Variants in PLEKHD1 observed in about 807,000 individuals in gnomAD.
PLEKHD1 encodes pleckstrin homology and coiled-coil domain containing D1.
Under a neutral mutation model 69.2 loss-of-function variants are expected in PLEKHD1, and 51 were observed. The ratio of observed to expected loss-of-function variants is 0.74; its 90% CI spans 0.59 to 0.93. The LOEUF (loss-of-function observed/expected upper bound fraction) is 0.93, where lower values mean the gene tolerates loss of function less well. Ranked by LOEUF, PLEKHD1 falls within the 40% of genes least tolerant of loss-of-function variation. PLEKHD1 has a pLI of 0.00. For missense variants in PLEKHD1, 584 were observed against 641.0 expected, an observed-to-expected ratio of 0.91 and a Z score of 0.96; for synonymous variants, 236 against 244.7, an observed-to-expected ratio of 0.96 and a Z score of 0.33.
At chr14:69,484,580 T>G (rs1201855992), upstream of PLEKHD1, 1 of 162,982 alleles carries the variant, frequency 6.1e-6, no homozygotes, top group Non-Finnish European at 1.3e-5. Flanking sequence ...CCCGCCCTGA[T>G]TGGCGCCCGA....
chr14:69,496,607 C>T (rs1882893197), intron 1 of PLEKHD1, among the ~76,000 whole-genome samples: 1 of 151,996 alleles, frequency 6.6e-6, no homozygotes. Flanking sequence ...GTGGTGTGAT[C>T]ACGGCTCACT....
At chr14:69,477,719 C>T in the PLEKHD1 span, among the ~76,000 whole-genome samples, 1 of 152,204 alleles carries the variant, frequency 6.6e-6, no homozygotes, top group Admixed American at 6.5e-5. Flanking sequence ...AAACGATCTC[C>T]TTTGACTCCA....
chr14:69,517,478 A>T (rs1363122640), intron 6 of PLEKHD1, among the ~76,000 whole-genome samples: 1 of 151,992 alleles, frequency 6.6e-6, no homozygotes, highest in African/African-American at 2.4e-5. Context: ...GGGGTGGGGG[A>T]GTAGGAGTGG....
rs1244201341 is a variant in PLEKHD1, at chr14:69,505,501, A to G, written c.555+2622A>G. 2.0e-5 allele frequency among the ~76,000 whole-genome samples: 3 copies of G among 152,200 alleles called. No individual in the cohort carries two copies. In the East Asian group the frequency reaches 5.8e-4, roughly 29 times the overall value. On this transcript the variant is annotated intron_variant, in intron 6 of 12. Transcript: ENST00000322564. ...ATTGCTGTGGTCTCTTTGAGACAACATGGCCTAAAGAAAGACTGAAGATAT... is the reference window on the plus strand; with the variant it reads ...ATTGCTGTGGTCTCTTTGAGACAACGTGGCCTAAAGAAAGACTGAAGATAT...
chr14:69,502,613 C>T (rs1200645938), intron 5 of PLEKHD1: 1 of 590,208 alleles, frequency 1.7e-6, no homozygotes. Context: ...CCCTCATAAC[C>T]CTAGGAAAAG....
chr14:69,486,152 C>T (rs1882650876), intron 1 of PLEKHD1, among the ~76,000 whole-genome samples: 1 of 152,178 alleles, frequency 6.6e-6, no homozygotes, highest in Admixed American at 6.5e-5. Context: ...TCCAGATGCC[C>T]CTTCCCCATC....
intron 7 of PLEKHD1, 127 bp from the exon 8 acceptor site, chr14:69,524,102 G>A (rs1883582961): frequency 1.4e-6 from 1 of 709,528 alleles, no homozygotes. Context: ...TGTGCAGAGG[G>A]GCTGGCCATT....
At position 69,503,004 on chromosome 14, in the gene PLEKHD1, G is replaced by C. The variant is rs148437564; in HGVS notation, c.555+125G>C. On this transcript the variant is annotated intron_variant, in intron 6 of 12. Coordinates refer to ENST00000322564, the MANE Select transcript of PLEKHD1 (RefSeq NM_001161498.2). ...CTAGAAGATCAGATGGGGCAGGGCG[G>C]GGAGGCCAAATGGGATCACAGTGCT... The C allele has an allele frequency of 7.8e-4, 909 of 1,171,312 alleles. 2 individuals are homozygous for C. In the African/African-American group the frequency reaches 0.012, roughly 16 times the overall value. 72.6% of individuals were successfully genotyped at this position (1,171,312 alleles called of 1,614,324 possible).
chr14:69,502,019 G>A, intron 5 of PLEKHD1, 194 bp downstream of exon 5: 1 of 505,578 alleles, frequency 2.0e-6, no homozygotes, highest in Non-Finnish European at 3.6e-6. Flanking sequence ...GAAGGCAGGA[G>A]CGTCTGATGG....
At chr14:69,481,300 GT>G (rs1882537342), upstream of PLEKHD1, among the ~76,000 whole-genome samples, 1 of 152,166 alleles carries the variant, frequency 6.6e-6, no homozygotes, top group Non-Finnish European at 1.5e-5. Context: ...TCCAGCCTGG[GT>G]CAGAGTGATA....
rs1883769712 is a variant in PLEKHD1 at position 69,530,573 on chromosome 14, G to C, written c.*2154G>C. 1.3e-5 allele frequency: 2 copies of C among 152,144 alleles called. No individual in the cohort carries two copies. Among genetic ancestry groups the C allele is most frequent in the Non-Finnish European group, 2.9e-5 (2 of 68,034 alleles). 9.4% of individuals were successfully genotyped at this position (152,144 alleles called of 1,614,324 possible). ...AGATGCATTTGTTTTTCTTGGGCGA[G>C]CTATTAACCAGACAGGAAAGTGCTA... On this transcript the variant is annotated 3_prime_UTR_variant, in exon 13 of 13. Coordinates refer to ENST00000322564, the MANE Select transcript of PLEKHD1 (RefSeq NM_001161498.2).
chr14:69,505,411 T>A (rs1161643282), intron 6 of PLEKHD1, among the ~76,000 whole-genome samples: 1 of 152,192 alleles, frequency 6.6e-6, no homozygotes, highest in Non-Finnish European at 1.5e-5. Flanking sequence ...ATTGTCTGGG[T>A]GTGCCTTGAG....
chr14:69,507,975 G>T (rs957271375), intron 6 of PLEKHD1, among the ~76,000 whole-genome samples: 2 of 152,162 alleles, frequency 1.3e-5, no homozygotes, highest in African/African-American at 2.4e-5. Context: ...GGGATTACAG[G>T]CATAGCCACT....
At chr14:69,528,169 G>A (rs928508112) in intron 12 of PLEKHD1, 81 bp from the exon 13 acceptor site, 2 of 1,495,158 alleles carry the variant, frequency 1.3e-6, no homozygotes, top group Non-Finnish European at 1.8e-6. Flanking sequence ...GGAGTGAGGG[G>A]GTGGCATGAG....
chr14:69,493,441 C>T lies in PLEKHD1; in HGVS notation c.150-6674C>T, dbSNP rs572466418. Reference sequence around the variant, plus strand: ...TCTAGTGAAATAGTTTCCTATTTCACTAGAGAAACCTCTGTGCCTCAGTTT... The same window carrying T: ...TCTAGTGAAATAGTTTCCTATTTCATTAGAGAAACCTCTGTGCCTCAGTTT... On this transcript the variant is annotated intron_variant, in intron 1 of 12. Transcript: ENST00000322564. Among the ~76,000 whole-genome samples the T allele has an allele frequency of 2.6e-5, 4 of 152,268 alleles. No homozygotes were observed. In the East Asian group the frequency reaches 7.7e-4, roughly 29 times the overall value.
At chr14:69,525,912 GCTTTT>G in intron 8 of PLEKHD1, 27 bp from the exon 9 acceptor site, 1 of 1,537,788 alleles carries the variant, frequency 6.5e-7, no homozygotes, top group Non-Finnish European at 8.8e-7. Context: ...CCTAAATTGG[GCTTTT>G]CTTTTCCTTG....
intron 1 of PLEKHD1, among the ~76,000 whole-genome samples, chr14:69,489,836 C>T (rs1882736325): frequency 6.6e-6 from 1 of 151,342 alleles, no homozygotes; most frequent in Non-Finnish European, 1.5e-5. Flanking sequence ...CAAGCAATAC[C>T]TCTGCACTGT....
chr14:69,527,502 T>C (rs1021417141), intron 11 of PLEKHD1, among the ~76,000 whole-genome samples, 170 bp downstream of exon 11: 1 of 152,238 alleles, frequency 6.6e-6, no homozygotes, highest in Non-Finnish European at 1.5e-5. Flanking sequence ...TCAGCACCAC[T>C]GCTTTCTTGT....
At chr14:69,476,085 C>G in the PLEKHD1 span, among the ~76,000 whole-genome samples, 1 of 152,004 alleles carries the variant, frequency 6.6e-6, no homozygotes, top group Non-Finnish European at 1.5e-5. Context: ...TGGCAAAATC[C>G]TGTCTCTACT....
Sources: allele counts gnomAD v4.1 joint callset (sites outside exome capture counted in the v4.1 genomes callset), GRCh38; gene constraint gnomAD v4.1.1; transcripts MANE v1.5; gene names NCBI Gene and HGNC (gene_info 2026-07-23, HGNC 2026-07-21).